Variants in LIMS2 observed in about 807,000 individuals in gnomAD.
The protein encoded by LIMS2 is LIM and senescent cell antigen-like-containing domain protein 2.
A neutral mutation model predicts 45.3 loss-of-function variants in LIMS2; 30 were observed. The observed-to-expected ratio is 0.66, with a 90% CI of 0.50 to 0.90. The LOEUF (loss-of-function observed/expected upper bound fraction) is 0.90, where lower values mean the gene tolerates loss of function less well. Among genes scored for constraint, LIMS2 ranks in the 40% least tolerant of loss-of-function variants. The pLI is 0.00. For synonymous variants in LIMS2, 173 were observed against 188.0 expected (o/e 0.92, Z 0.65); for missense variants, 485 against 468.7 (o/e 1.03, Z -0.32).
At chr2:127,656,845 C>T (rs1684291458) in intron 2 of LIMS2, among the ~76,000 whole-genome samples, 1 of 152,166 alleles carries the variant, frequency 6.6e-6, no homozygotes, top group African/African-American at 2.4e-5. Context: ...ATCCACCTCC[C>T]TTTCCTCAGC....
chr2:127,673,964 G>A (rs1327784097), intron 1 of LIMS2: 4 of 545,058 alleles, frequency 7.3e-6, no homozygotes, highest in Non-Finnish European at 1.3e-5. Flanking sequence ...AGAGGCTTGG[G>A]GAGAAGAAAG....
At chr2:127,674,937 C>G (rs140650322) in intron 1 of LIMS2, 77 bp downstream of exon 1, 2 of 1,224,130 alleles carry the variant, frequency 1.6e-6, no homozygotes, top group East Asian at 3.2e-5. Flanking sequence ...CGGGGCTGTA[C>G]GAGGGCGAGC....
At chr2:127,651,038 A>T (rs913378458) in intron 4 of LIMS2, 2 of 1,613,584 alleles carry the variant, frequency 1.2e-6, no homozygotes, top group Middle Eastern at 1.6e-4. Flanking sequence ...CATTTGGGGA[A>T]ATCGCATGCC....
At chr2:127,674,892 C>T (rs1294339754) in intron 1 of LIMS2, 122 bp downstream of exon 1, 2 of 1,216,520 alleles carry the variant, frequency 1.6e-6, no homozygotes, top group Middle Eastern at 3.2e-4. Flanking sequence ...TGCGAGAATC[C>T]GACGCGCCAG....
At chr2:127,673,479 C>A (rs1685363190) in intron 1 of LIMS2, among the ~76,000 whole-genome samples, 1 of 152,226 alleles carries the variant, frequency 6.6e-6, no homozygotes, top group Non-Finnish European at 1.5e-5. Context: ...TGCTCGCCAC[C>A]ACCTGCCTTC....
chr2:127,656,474 C>T (rs902031935), intron 2 of LIMS2, among the ~76,000 whole-genome samples: 5 of 149,324 alleles, frequency 3.3e-5, no homozygotes, highest in Non-Finnish European at 7.4e-5. Context: ...AGTGCAATGG[C>T]GCGATCTCGG....
chr2:127,642,862 T>C lies in LIMS2; in HGVS notation c.509+61A>G. 1 of 1,525,876 alleles carries C rather than the reference T, an allele frequency of 6.6e-7. No homozygotes were observed. Among genetic ancestry groups the C allele is most frequent in the African/African-American group, 1.4e-5 (1 of 72,768 alleles). 94.5% of individuals were successfully genotyped at this position (1,525,876 alleles called of 1,614,324 possible). On this transcript the variant is annotated intron_variant, in intron 5 of 9. Coordinates refer to ENST00000355119, the MANE Select transcript of LIMS2 (RefSeq NM_001161403.3). The surrounding 1 kb of genome is among the most constrained non-coding windows in gnomAD (Gnocchi z 5.3). ...TCCCCAGGTGGAGGCCCCACCGCCC[T>C]TACCCTGGGCCAGCCCTGGCTCCCC...
intron 1 of LIMS2, among the ~76,000 whole-genome samples, chr2:127,660,314 C>T (rs886662596): frequency 2.0e-5 from 3 of 152,194 alleles, no homozygotes; most frequent in African/African-American, 4.8e-5. Context: ...CAGCAGCAAC[C>T]AGTTGGGGTT....
upstream of LIMS2, among the ~76,000 whole-genome samples, chr2:127,679,849 T>A (rs1685578820): frequency 1.3e-5 from 2 of 152,048 alleles, no homozygotes; most frequent in South Asian, 4.1e-4. This position sits in a 1 kb window ranked among gnomAD's most constrained non-coding sequence, Gnocchi z 5.3. Flanking sequence ...GCCTTGCAGC[T>A]CTCAGGAGGC....
At chr2:127,673,926 C>T (rs901323335) in intron 1 of LIMS2, 1 of 591,656 alleles carries the variant, frequency 1.7e-6, no homozygotes. Context: ...TTAGAGGTGA[C>T]TCCAAGTCAG....
Position 127,654,524 on chromosome 2 carries a change from C to G in LIMS2, c.259G>C (p.Val87Leu). The G allele has an allele frequency of 4.3e-6, 7 of 1,614,138 alleles. No individual in the cohort carries two copies. Among genetic ancestry groups the G allele is most frequent in the Non-Finnish European group, 5.9e-6 (7 of 1,180,004 alleles). The change falls in exon 4 of 10, where the codon GTC becomes CTC. Residue 87 changes from valine to leucine, a missense_variant. By Grantham distance (32) the Val-to-Leu change is conservative. Transcript: ENST00000355119. ...GSCGEFIIGR[V>L]IKAMNNNWHP... Reference sequence around the variant, plus strand: ...CAGTTGTTGTTCATGGCCTTGATGACGCGGCCAATGATGAACTCACCTGGA... The same window carrying G: ...CAGTTGTTGTTCATGGCCTTGATGAGGCGGCCAATGATGAACTCACCTGGA...
At chr2:127,677,839 G>C (rs1685536608), upstream of LIMS2, among the ~76,000 whole-genome samples, 1 of 152,162 alleles carries the variant, frequency 6.6e-6, no homozygotes, top group Admixed American at 6.5e-5. This position sits in a 1 kb window ranked among gnomAD's most constrained non-coding sequence, Gnocchi z 5.0. Context: ...CAGAACGGTG[G>C]CTGCCTCAGG....
intron 1 of LIMS2, among the ~76,000 whole-genome samples, chr2:127,670,943 A>G (rs73954694): frequency 0.088 from 13,439 of 152,292 alleles, 814 homozygotes; most frequent in African/African-American, 0.17. Flanking sequence ...ATGTGTATTC[A>G]GTCACCTCAT....
At chr2:127,660,313 C>A (rs1448154199) in intron 1 of LIMS2, among the ~76,000 whole-genome samples, 1 of 152,186 alleles carries the variant, frequency 6.6e-6, no homozygotes, top group East Asian at 1.9e-4. Context: ...ACAGCAGCAA[C>A]CAGTTGGGGT....
intron 1 of LIMS2, 192 bp downstream of exon 1, chr2:127,674,822 G>C (rs1038697723): frequency 2.0e-6 from 2 of 985,268 alleles, no homozygotes; most frequent in African/African-American, 3.5e-5. Context: ...CGCTCGCCCA[G>C]AGGAAGAGGC....
chr2:127,638,985 T>TGTCC lies in LIMS2; in HGVS notation c.*292_*295dup. On this transcript the variant is annotated 3_prime_UTR_variant, in exon 10 of 10. Transcript: ENST00000355119. ...GGGGAGCTGTGGTGCAATTTGCTCC[T>TGTCC]GTCCCTGGAGGTCTGTGGGCGGAAG... 1 of 386,302 alleles carries TGTCC rather than the reference T, an allele frequency of 2.6e-6. No homozygotes were observed. The highest frequency in any genetic ancestry group is 4.7e-6 in the Non-Finnish European group (1 of 211,446). The allele number at this position is 386,302 out of a possible 1,614,324, so 23.9% of individuals were successfully genotyped here. A position where few individuals can be genotyped will look rare whatever the true frequency, so the allele number is the denominator to read the frequency against.
At position 127,654,878 on chromosome 2, in the gene LIMS2, A is replaced by C; in HGVS notation, c.190T>G (p.Cys64Gly). Residue 64 changes from cysteine to glycine, a missense_variant, in exon 3 of 10, where the codon TGC (cysteine) becomes GGC (glycine). Transcript: ENST00000355119. The stretch of plus-strand genomic sequence containing the variant: ...AACAGCATTTGGAAGTCGTGTTCGC[A>C]GTACTTCCGGCCTTCAAACTGCAAA... The part of the protein sequence containing the change: ...LFYEFEGRKY[C>G]EHDFQMLFAP... 1 of 1,614,154 alleles carries C rather than the reference A, an allele frequency of 6.2e-7. No homozygotes were observed. The highest frequency in any genetic ancestry group is 8.5e-7 in the Non-Finnish European group (1 of 1,180,030).
chr2:127,677,155 C>T (rs763595615), upstream of LIMS2, among the ~76,000 whole-genome samples: 7 of 152,188 alleles, frequency 4.6e-5, no homozygotes, highest in Non-Finnish European at 1.0e-4. The surrounding 1 kb of genome is among the most constrained non-coding windows in gnomAD (Gnocchi z 5.0). Flanking sequence ...TCCCACAGTT[C>T]AGCCAAGAGG....
At chr2:127,644,396 G>A (rs1682741955) in intron 4 of LIMS2, among the ~76,000 whole-genome samples, 1 of 152,178 alleles carries the variant, frequency 6.6e-6, no homozygotes, top group Admixed American at 6.5e-5. Flanking sequence ...TGTGGCCTGT[G>A]GCTTCAGTCT....
Sources: allele counts gnomAD v4.1 joint callset (sites outside exome capture counted in the v4.1 genomes callset), GRCh38; gene constraint gnomAD v4.1.1; non-coding constraint Gnocchi (gnomAD v3.1); transcripts MANE v1.5; gene names NCBI Gene and HGNC (gene_info 2026-07-23, HGNC 2026-07-21).